FTO: variants seen among roughly 807,000 people sequenced by gnomAD.
The protein encoded by FTO is FTO alpha-ketoglutarate dependent dioxygenase, also known as alpha-ketoglutarate-dependent dioxygenase FTO.
FTO carries 47 observed loss-of-function variants against 63.9 expected under a neutral mutation model. The ratio of observed to expected loss-of-function variants is 0.74; its 90% confidence interval spans 0.58 to 0.94. The LOEUF is 0.94. FTO is among the 40% of genes least tolerant of loss of function. FTO has a pLI of 0.00. For synonymous variants in FTO, 207 were observed against 224.4 expected (o/e 0.92, Z 0.69); for missense variants, 562 against 618.1 (o/e 0.91, Z 0.96).
At chr16:53,737,584 G>T (rs2076418189) in intron 1 of FTO, among the ~76,000 whole-genome samples, 1 of 152,184 alleles carries the variant, frequency 6.6e-6, no homozygotes, top group Non-Finnish European at 1.5e-5. Context: ...TGTATATGCG[G>T]TCCGTTGTTG....
intron 8 of FTO, among the ~76,000 whole-genome samples, chr16:54,034,712 A>C (rs1191198743): frequency 6.6e-6 from 1 of 152,190 alleles, no homozygotes; most frequent in Non-Finnish European, 1.5e-5. Context: ...AAAGTTCTGG[A>C]ACTATACTTT....
At chr16:53,874,788 A>T (rs2080599990) in intron 5 of FTO, among the ~76,000 whole-genome samples, 1 of 152,152 alleles carries the variant, frequency 6.6e-6, no homozygotes, top group African/African-American at 2.4e-5. Flanking sequence ...TTAAACCAAG[A>T]TGCCAGCAAG....
chr16:53,869,070 G>A (rs918425708), intron 4 of FTO, among the ~76,000 whole-genome samples: 5 of 152,162 alleles, frequency 3.3e-5, no homozygotes, highest in African/African-American at 9.6e-5. Flanking sequence ...GACCTCAAGC[G>A]ATTCACCTGC....
chr16:53,810,233 AT>A lies in FTO; in HGVS notation c.123+21del. ...CTATCAGCAGGTAAGGTATTTTAAT[AT>A]TTTTATCAGTTTCAGTGATGTGTTC... is the stretch of plus-strand genomic sequence containing the variant. On this transcript the variant is annotated intron_variant, in intron 2 of 8. Transcript: ENST00000471389. 1 of 1,547,638 alleles carries A rather than the reference AT, an allele frequency of 6.5e-7. No individual in the cohort carries two copies. The highest frequency in any genetic ancestry group is 8.9e-7 in the Non-Finnish European group (1 of 1,120,294).
chr16:53,906,171 G>T (rs935572758), intron 7 of FTO, among the ~76,000 whole-genome samples: 1 of 152,144 alleles, frequency 6.6e-6, no homozygotes, highest in East Asian at 1.9e-4. Flanking sequence ...AAACACCTAG[G>T]ACAATTTTTA....
At chr16:53,958,891 G>C (rs2082998910) in intron 8 of FTO, among the ~76,000 whole-genome samples, 2 of 152,104 alleles carry the variant, frequency 1.3e-5, no homozygotes, top group African/African-American at 2.4e-5. Context: ...AGCTGATGGG[G>C]GTGAATAAGA....
At chr16:53,719,148 A>C (rs2075967780) in intron 1 of FTO, among the ~76,000 whole-genome samples, 1 of 152,098 alleles carries the variant, frequency 6.6e-6, no homozygotes, top group Non-Finnish European at 1.5e-5. Context: ...TGACTTGCAG[A>C]GTTTTCCTCC....
chr16:53,995,642 A>C (rs548215320), intron 8 of FTO, among the ~76,000 whole-genome samples: 13 of 152,356 alleles, frequency 8.5e-5, no homozygotes, highest in African/African-American at 3.1e-4. Flanking sequence ...GAGCAAATTA[A>C]GAGGAAAGCT....
At chr16:53,839,800 TTTATTTATTTATTTATTTA>T (rs1567346988) in intron 3 of FTO, among the ~76,000 whole-genome samples, 3 of 99,204 alleles carry the variant, frequency 3.0e-5, no homozygotes, top group African/African-American at 1.4e-4. Flanking sequence ...TATTTATTTA[TTTATTTATTTATTTATTTA>T]TTTTAAGGTG....
chr16:53,933,847 A>G, intron 7 of FTO, 138 bp from the exon 8 acceptor site: 1 of 826,630 alleles, frequency 1.2e-6, no homozygotes, highest in Non-Finnish European at 1.9e-6. Context: ...ATTTTTGGCC[A>G]TCATTTACTG....
intron 8 of FTO, among the ~76,000 whole-genome samples, chr16:54,046,284 AC>A (rs2085170271): frequency 1.3e-5 from 1 of 76,478 alleles, no homozygotes; most frequent in Non-Finnish European, 2.1e-5. Context: ...AAATCAATGT[AC>A]AAAAATCACA....
At chr16:54,095,590 T>C (rs1219023621) in intron 8 of FTO, among the ~76,000 whole-genome samples, 1 of 152,216 alleles carries the variant, frequency 6.6e-6, no homozygotes, top group Non-Finnish European at 1.5e-5. Flanking sequence ...CTTGAAGTCT[T>C]GGTTTTGACA....
chr16:53,998,809 C>G (rs2084001017), intron 8 of FTO: 1 of 152,230 alleles, frequency 6.6e-6, no homozygotes, highest in Admixed American at 6.5e-5. Flanking sequence ...GAGCCCCACC[C>G]TCTTACTATT....
At chr16:53,869,497 C>A (rs1051689872) in intron 4 of FTO, among the ~76,000 whole-genome samples, 1 of 149,736 alleles carries the variant, frequency 6.7e-6, no homozygotes, top group East Asian at 2.0e-4. Context: ...TTCTGTTATT[C>A]CATTATACAT....
At chr16:53,784,263 C>G (rs956316735) in intron 1 of FTO, among the ~76,000 whole-genome samples, 2 of 152,156 alleles carry the variant, frequency 1.3e-5, no homozygotes, top group African/African-American at 2.4e-5. Context: ...TGTGAAAACT[C>G]CTTGAAATCA....
chr16:53,736,066 G>T (rs1379619753), intron 1 of FTO, among the ~76,000 whole-genome samples: 1 of 152,102 alleles, frequency 6.6e-6, no homozygotes, highest in East Asian at 1.9e-4. Context: ...ATATGAATAG[G>T]TCTTATTATT....
chr16:53,998,990 A>G (rs2084006371), intron 8 of FTO, among the ~76,000 whole-genome samples: 1 of 152,182 alleles, frequency 6.6e-6, no homozygotes, highest in African/African-American at 2.4e-5. Context: ...CTTTCCCTCC[A>G]AAAAAGGAAA....
At chr16:54,090,650 C>T (rs1014938654) in intron 8 of FTO, among the ~76,000 whole-genome samples, 1 of 152,096 alleles carries the variant, frequency 6.6e-6, no homozygotes, top group Non-Finnish European at 1.5e-5. Flanking sequence ...ATATGGAAAA[C>T]GCTATTTCAG....
intron 4 of FTO, among the ~76,000 whole-genome samples, chr16:53,862,494 C>A (rs78186287): frequency 0.016 from 2,368 of 149,286 alleles, 53 homozygotes; most frequent in African/African-American, 0.049. Flanking sequence ...GGAAAACATT[C>A]TTCTAGTGTT....
Sources: gnomAD v4.1 joint callset for allele counts (sites outside exome capture counted in the v4.1 genomes callset) on GRCh38, gnomAD v4.1.1 for gene constraint, MANE v1.5 for transcripts, NCBI Gene and HGNC (gene_info 2026-07-23, HGNC 2026-07-21) for gene names.